The following NRCAM variants were observed in gnomAD, a reference collection of about 807,000 sequenced individuals.
NRCAM encodes neuronal cell adhesion molecule, also known as NgCAM-related cell adhesion molecule.
NRCAM carries 83 observed loss-of-function variants against 156.5 expected under a neutral mutation model. The observed-to-expected ratio is 0.53, with a 90% CI of 0.44 to 0.64. The LOEUF (loss-of-function observed/expected upper bound fraction) is 0.64, where lower values mean the gene tolerates loss of function less well. NRCAM is among the 30% of genes least tolerant of loss of function. The pLI is 0.00. For synonymous variants in NRCAM, 538 were observed against 563.9 expected (o/e 0.95, Z 0.65); for missense variants, 1,417 against 1,597.3 (o/e 0.89, Z 1.92).
chr7:108,294,191 T>C (rs2098401338), intron 3 of NRCAM, among the ~76,000 whole-genome samples: 2 of 134,634 alleles, frequency 1.5e-5, no homozygotes, highest in Non-Finnish European at 3.2e-5. Flanking sequence ...CTTTCTTTAC[T>C]GGTTTTTTTT....
rs1356330749 is a variant in NRCAM at position 108,279,716 on chromosome 7, C to T, written c.-107+32949G>A. ...AGCTGGCACTACAACCATGTGCCAC[C>T]ACAGCCAACTGATTTTTTTTTCCAA... On this transcript the variant is annotated intron_variant, in intron 3 of 32. Coordinates refer to ENST00000379028, the MANE Select transcript of NRCAM (RefSeq NM_001037132.4). Among the ~76,000 whole-genome samples the T allele has an allele frequency of 6.0e-5, 9 of 149,730 alleles. No homozygotes were observed. The Admixed American group carries it at 6.0e-4, about 10-fold the overall frequency.
At chr7:108,290,542 G>A (rs181642868) in intron 3 of NRCAM, among the ~76,000 whole-genome samples, 1 of 152,024 alleles carries the variant, frequency 6.6e-6, no homozygotes, top group African/African-American at 2.4e-5. Context: ...GACAGAGCTG[G>A]GTCAACAGTA....
At chr7:108,158,596 A>G (rs1289113467) in intron 32 of NRCAM, among the ~76,000 whole-genome samples, 1 of 152,126 alleles carries the variant, frequency 6.6e-6, no homozygotes, top group East Asian at 1.9e-4. Context: ...AAGCCTCTTC[A>G]TCTTGCAAAC....
intron 18 of NRCAM, 61 bp downstream of exon 18, chr7:108,191,668 A>G (rs2071640033): frequency 6.6e-7 from 1 of 1,514,356 alleles, no homozygotes; most frequent in Non-Finnish European, 8.9e-7. Context: ...TTTTTATCTT[A>G]TTTTTTCTTT....
chr7:108,339,539 CT>C (rs1468706888), intron 2 of NRCAM, among the ~76,000 whole-genome samples: 2 of 152,168 alleles, frequency 1.3e-5, no homozygotes, highest in African/African-American at 4.8e-5. Context: ...GGACTCACCC[CT>C]GAGCACAAAG....
intron 3 of NRCAM, among the ~76,000 whole-genome samples, chr7:108,282,411 T>A (rs191694594): frequency 6.6e-6 from 1 of 152,214 alleles, no homozygotes; most frequent in Non-Finnish European, 1.5e-5. Flanking sequence ...ACTGGGGCAG[T>A]AGCACTCATC....
intron 3 of NRCAM, among the ~76,000 whole-genome samples, chr7:108,241,683 A>G (rs1207781207): frequency 6.6e-6 from 1 of 152,106 alleles, no homozygotes; most frequent in Non-Finnish European, 1.5e-5. Context: ...TTGGAGGAAA[A>G]AAAAAGGAAA....
Position 108,194,289 on chromosome 7 carries a change from T to C in NRCAM, c.1603A>G (p.Lys535Glu). The change falls in exon 16 of 33, where the codon AAG becomes GAG. Residue 535 changes from lysine to glutamate, a missense_variant. Physicochemically the swap from Lys to Glu is moderately conservative, Grantham distance 56. Transcript: ENST00000379028. Reference sequence around the variant, plus strand: ...TTGATTTCTAAGTGAACTTCATTCTTCGCCATCCCTAATTTATTCCTTGCA... The same window carrying C: ...TTGATTTCTAAGTGAACTTCATTCTCCGCCATCCCTAATTTATTCCTTGCA... Reference protein sequence around the residue: ...CVARNKLGMAKNEVHLEIKDP... With the variant: ...CVARNKLGMAENEVHLEIKDP... 6.2e-7 allele frequency: 1 copy of C among 1,612,436 alleles called. No individual in the cohort carries two copies. Among genetic ancestry groups the C allele is most frequent in the Non-Finnish European group, 8.5e-7 (1 of 1,178,640 alleles).
In NRCAM at chr7:108,150,125, A is replaced by C. The variant is rs2040376730; in HGVS notation, c.3700T>G (p.Leu1234Val). ...GAAGGAGTTCGACTTCCTTTTTTCA[A>C]AGGCTTGTGGTCTTCTGCATCACTG... Reference protein sequence around the residue: ...EYSDAEDHKPLKKGSRTPSDR... With the variant: ...EYSDAEDHKPVKKGSRTPSDR... The change falls in exon 33 of 33, where the codon TTG (leucine) becomes GTG (valine). Residue 1234 changes from leucine (L) to valine (V), a missense_variant. Leu to Val is a conservative substitution (Grantham distance 32). Coordinates refer to ENST00000379028, the MANE Select transcript of NRCAM (RefSeq NM_001037132.4). The C allele has an allele frequency of 6.2e-7, 1 of 1,611,670 alleles. No homozygotes were observed. The highest frequency in any genetic ancestry group is 1.3e-5 in the African/African-American group (1 of 74,734).
At chr7:108,382,527 T>C (rs1441176509) in intron 2 of NRCAM, among the ~76,000 whole-genome samples, 1 of 152,030 alleles carries the variant, frequency 6.6e-6, no homozygotes, top group Non-Finnish European at 1.5e-5. Flanking sequence ...GGGGATTGCT[T>C]AAGCCCAGGA....
intron 8 of NRCAM, among the ~76,000 whole-genome samples, chr7:108,230,135 G>A (rs958136947): frequency 4.0e-5 from 6 of 151,820 alleles, no homozygotes; most frequent in African/African-American, 7.3e-5. Context: ...CTTCCTCCCC[G>A]CCATGGGTTT....
intron 11 of NRCAM, among the ~76,000 whole-genome samples, chr7:108,214,780 G>T (rs1289557872): frequency 6.6e-6 from 1 of 152,154 alleles, no homozygotes; most frequent in Non-Finnish European, 1.5e-5. Context: ...GCTGTACATT[G>T]TGATCCTGGT....
At chr7:108,293,492 G>A (rs1179634279) in intron 3 of NRCAM, among the ~76,000 whole-genome samples, 3 of 152,122 alleles carry the variant, frequency 2.0e-5, no homozygotes, top group Non-Finnish European at 2.9e-5. Context: ...GACAAGCAAC[G>A]CTGATCTCAC....
chr7:108,174,129 T>C (rs2059582682), intron 28 of NRCAM, among the ~76,000 whole-genome samples: 1 of 152,228 alleles, frequency 6.6e-6, no homozygotes, highest in African/African-American at 2.4e-5. Context: ...GAAGGAAGTA[T>C]ACAAATAAAT....
At chr7:108,182,101 G>A (rs544320076) in intron 23 of NRCAM, among the ~76,000 whole-genome samples, 164 bp from the exon 24 acceptor site, 46 of 73,720 alleles carry the variant, frequency 6.2e-4, no homozygotes, top group Admixed American at 3.9e-3. Flanking sequence ...GACTTTGTGA[G>A]AGATTTTTTT....
At chr7:108,317,967 G>A (rs1163707127) in intron 2 of NRCAM, among the ~76,000 whole-genome samples, 2 of 150,018 alleles carry the variant, frequency 1.3e-5, no homozygotes, top group East Asian at 2.0e-4. Context: ...AGGAAAGGGG[G>A]AAGATTGAAA....
intron 2 of NRCAM, among the ~76,000 whole-genome samples, chr7:108,375,865 C>G (rs756489197): frequency 3.9e-5 from 6 of 152,062 alleles, no homozygotes; most frequent in Admixed American, 3.3e-4. Context: ...AGCTAAAGGA[C>G]AAAAGAAGTA....
intron 2 of NRCAM, among the ~76,000 whole-genome samples, chr7:108,353,899 G>C (rs1195481392): frequency 1.3e-5 from 2 of 152,166 alleles, no homozygotes; most frequent in Non-Finnish European, 2.9e-5. Flanking sequence ...AGGAACATTG[G>C]GTTCATACAC....
chr7:108,286,729 G>A (rs912890543), intron 3 of NRCAM, among the ~76,000 whole-genome samples: 1 of 152,130 alleles, frequency 6.6e-6, no homozygotes, highest in African/African-American at 2.4e-5. Context: ...TGGTATGGCT[G>A]TAGATAGAAG....
Sources: allele counts gnomAD v4.1 joint callset (sites outside exome capture counted in the v4.1 genomes callset), GRCh38; gene constraint gnomAD v4.1.1; transcripts MANE v1.5; gene names NCBI Gene and HGNC (gene_info 2026-07-23, HGNC 2026-07-21).